NFIB: variants seen among roughly 807,000 people sequenced by gnomAD.
NFIB encodes the protein nuclear factor 1 B-type.
NFIB carries 11 observed loss-of-function variants against 61.5 expected under a neutral mutation model. That is an observed-to-expected ratio of 0.18 (90% CI 0.11 to 0.30). The LOEUF (loss-of-function observed/expected upper bound fraction) is 0.30. Among genes scored for constraint, NFIB ranks in the 10% least tolerant of loss-of-function variants. NFIB has a pLI of 1.00. For synonymous variants in NFIB, 260 were observed against 216.5 expected, an observed-to-expected ratio of 1.20 and a Z score of -1.76; for missense variants, 471 against 608.9, an observed-to-expected ratio of 0.77 and a Z score of 2.38.
At chr9:14,361,264 T>TAAAA (rs34183553) in intron 1 of NFIB, 2 of 138,764 alleles carry the variant, frequency 1.4e-5, no homozygotes, top group Non-Finnish European at 3.1e-5. Flanking sequence ...TCAGAATTCT[T>TAAAA]AAAAAAAAAA....
At chr9:14,472,860 A>C in the NFIB span, among the ~76,000 whole-genome samples, 1 of 152,202 alleles carries the variant, frequency 6.6e-6, no homozygotes. Context: ...AAAATAAAAA[A>C]AAAAAGGATT....
At chr9:14,529,535 A>G in the NFIB span, among the ~76,000 whole-genome samples, 2 of 152,308 alleles carry the variant, frequency 1.3e-5, no homozygotes, top group African/African-American at 4.8e-5. Flanking sequence ...ACAACAGGGG[A>G]ACCATGTAAA....
chr9:14,274,207 C>T (rs1425266772), intron 2 of NFIB, among the ~76,000 whole-genome samples: 1 of 151,094 alleles, frequency 6.6e-6, no homozygotes, highest in East Asian at 1.9e-4. Flanking sequence ...CTTTTCTTCT[C>T]TCTCATGCTC....
At chr9:14,377,514 G>T (rs1433103155) in intron 1 of NFIB, among the ~76,000 whole-genome samples, 1 of 152,132 alleles carries the variant, frequency 6.6e-6, no homozygotes, top group African/African-American at 2.4e-5. Context: ...ACCGTGCCTG[G>T]CCTGGAGAAT....
intron 7 of NFIB, among the ~76,000 whole-genome samples, chr9:14,121,153 A>G (rs1289612373): frequency 6.6e-6 from 1 of 152,206 alleles, no homozygotes; most frequent in Non-Finnish European, 1.5e-5. Flanking sequence ...AATCCCAGCT[A>G]CTTGGGAGCT....
the NFIB span, among the ~76,000 whole-genome samples, chr9:14,425,713 C>T: frequency 6.6e-6 from 1 of 150,834 alleles, no homozygotes; most frequent in Non-Finnish European, 1.5e-5. Context: ...CACAGCAAAC[C>T]CAGAAGTGTG....
At chr9:14,473,959 C>T in the NFIB span, among the ~76,000 whole-genome samples, 1 of 152,210 alleles carries the variant, frequency 6.6e-6, no homozygotes, top group African/African-American at 2.4e-5. Flanking sequence ...ATAGAAGTCA[C>T]TGTGCAGAGT....
At chr9:14,320,532 C>A (rs1466971869) in intron 1 of NFIB, among the ~76,000 whole-genome samples, 1 of 152,172 alleles carries the variant, frequency 6.6e-6, no homozygotes, top group African/African-American at 2.4e-5. Context: ...AACTGGAAAC[C>A]ACAACGTTTT....
At chr9:14,400,920 C>T (rs190385945), upstream of NFIB, among the ~76,000 whole-genome samples, 12 of 152,268 alleles carry the variant, frequency 7.9e-5, no homozygotes, top group African/African-American at 2.4e-4. Flanking sequence ...GAGCCACTTC[C>T]GAAGTAGCCA....
rs546522859 is a variant in NFIB, at chr9:14,146,786, G to A, written c.828C>T (p.Ser276=). Residue 276 remains serine, a synonymous_variant, in exon 6 of 11, where the codon TCC becomes TCT. Transcript: ENST00000380953. ...GACTTGGTTCCATATTTTCATCTAT[G>A]GATATAGTTTTGGGTCTTTTGCTGT... is the stretch of plus-strand genomic sequence containing the variant. ...PPSSKRPKTI[S]IDENMEPSPT... 9.3e-6 allele frequency: 15 copies of A among 1,604,808 alleles called. No individual in the cohort carries two copies. The East Asian group carries it at 3.4e-4, about 36-fold the overall frequency.
At chr9:14,384,863 TTTGA>T (rs1469540089) in intron 1 of NFIB, among the ~76,000 whole-genome samples, 2 of 152,184 alleles carry the variant, frequency 1.3e-5, no homozygotes. Flanking sequence ...TCCAAGATTG[TTTGA>T]TTGATTTTCA....
chr9:14,481,026 A>G, the NFIB span, among the ~76,000 whole-genome samples: 1 of 150,946 alleles, frequency 6.6e-6, no homozygotes, highest in Non-Finnish European at 1.5e-5. Flanking sequence ...CCCATGACTC[A>G]CTGCCTGAGG....
At chr9:14,126,781 T>C (rs896283925) in intron 6 of NFIB, among the ~76,000 whole-genome samples, 4 of 152,154 alleles carry the variant, frequency 2.6e-5, no homozygotes, top group African/African-American at 9.7e-5. Flanking sequence ...AGAAACTAAA[T>C]GGAGGGCGGA....
intron 10 of NFIB, among the ~76,000 whole-genome samples, chr9:14,109,392 T>C (rs1415007127): frequency 6.6e-6 from 1 of 151,894 alleles, no homozygotes; most frequent in Non-Finnish European, 1.5e-5. Flanking sequence ...TGAACTTCTA[T>C]GAAGTTAAGT....
the NFIB span, among the ~76,000 whole-genome samples, chr9:14,521,454 G>A: frequency 5.9e-5 from 9 of 152,096 alleles, no homozygotes; most frequent in African/African-American, 2.2e-4. Context: ...AGTAAGCTTG[G>A]ACAAACTATT....
chr9:14,266,090 C>T (rs1476097424), intron 2 of NFIB, among the ~76,000 whole-genome samples: 2 of 152,200 alleles, frequency 1.3e-5, no homozygotes, highest in Non-Finnish European at 2.9e-5. Context: ...CCCGTACTCA[C>T]TCACTGTAGA....
chr9:14,355,976 A>G (rs959550322), intron 1 of NFIB, among the ~76,000 whole-genome samples: 2 of 151,790 alleles, frequency 1.3e-5, no homozygotes, highest in Non-Finnish European at 2.9e-5. Context: ...AACAAATAAA[A>G]AAAAAAAAAA....
At chr9:14,129,262 T>G (rs989898584) in intron 6 of NFIB, among the ~76,000 whole-genome samples, 2 of 152,066 alleles carry the variant, frequency 1.3e-5, no homozygotes, top group Admixed American at 6.6e-5. Flanking sequence ...AATATAGGTT[T>G]AATTGCCTTT....
chr9:14,114,569 T>C (rs1287008739), intron 9 of NFIB, among the ~76,000 whole-genome samples: 3 of 152,230 alleles, frequency 2.0e-5, no homozygotes, highest in African/African-American at 7.2e-5. Flanking sequence ...GATGCAGCCA[T>C]CTTTATACAA....
Sources: gnomAD v4.1 joint callset for allele counts (sites outside exome capture counted in the v4.1 genomes callset) on GRCh38, gnomAD v4.1.1 for gene constraint, MANE v1.5 for transcripts, NCBI Gene and HGNC (gene_info 2026-07-23, HGNC 2026-07-21) for gene names.